FHIP2A: variants seen among roughly 807,000 people sequenced by gnomAD.
The protein encoded by FHIP2A is family with sequence similarity 160 member B1.
FHIP2A carries 46 observed loss-of-function variants against 93.5 expected under a neutral mutation model. That is an observed-to-expected ratio of 0.49 (90% CI 0.39 to 0.63). FHIP2A has a LOEUF of 0.63. Among genes scored for constraint, FHIP2A ranks in the 20% least tolerant of loss-of-function variants. The pLI is 0.00. For missense variants in FHIP2A, 769 were observed against 909.7 expected (o/e 0.85, Z 1.99); for synonymous variants, 332 against 326.5 (o/e 1.02, Z -0.18).
At chr10:114,825,538 CCTT>C (rs368764144) in intron 1 of FHIP2A, among the ~76,000 whole-genome samples, 8 of 152,184 alleles carry the variant, frequency 5.3e-5, no homozygotes, top group Non-Finnish European at 8.8e-5. Context: ...TAAGTTCACA[CCTT>C]CTTGATTAAA....
At chr10:114,876,079 A>C (rs2083887764) in intron 16 of FHIP2A, among the ~76,000 whole-genome samples, 1 of 152,182 alleles carries the variant, frequency 6.6e-6, no homozygotes, top group Admixed American at 6.5e-5. Context: ...GAGGAAGCAG[A>C]AGAGACCCGG....
rs1376457806 is a variant in FHIP2A at position 114,864,303 on chromosome 10, G to A, written c.*2763G>A. 17 of 985,058 alleles carry A rather than the reference G, an allele frequency of 1.7e-5. No individual in the cohort carries two copies. The highest frequency in any genetic ancestry group is 2.0e-5 in the Non-Finnish European group (17 of 829,322). 61.0% of individuals were successfully genotyped at this position (985,058 alleles called of 1,614,324 possible). On this transcript the variant is annotated 3_prime_UTR_variant, in exon 17 of 17. Coordinates refer to ENST00000369248, the MANE Select transcript of FHIP2A (RefSeq NM_020940.4). ...ATTATGAAGTCCATCAGTATTGACA[G>A]AAGACGTTACAGTGAAGTGCTAAAA...
At chr10:114,882,435 T>C (rs895152456) in intron 16 of FHIP2A, among the ~76,000 whole-genome samples, 1 of 152,134 alleles carries the variant, frequency 6.6e-6, no homozygotes, top group Admixed American at 6.5e-5. Flanking sequence ...AGAGAGGCAC[T>C]AGAGAAATCC....
At chr10:114,833,101 A>T in intron 2 of FHIP2A, 132 bp from the exon 3 acceptor site, 4 of 651,252 alleles carry the variant, frequency 6.1e-6, no homozygotes, top group Non-Finnish European at 1.0e-5. Context: ...TACTGTGTTT[A>T]TAAACCTCAC....
Position 114,862,052 on chromosome 10 carries a change from C to T in FHIP2A, c.*512C>T. ...ATGAGAAAAAAATACAATTCAGAAACCATTGAATGAATTAATTATAGGCGA... is the reference window on the plus strand; with the variant it reads ...ATGAGAAAAAAATACAATTCAGAAATCATTGAATGAATTAATTATAGGCGA... On this transcript the variant is annotated 3_prime_UTR_variant, in exon 17 of 17. Transcript: ENST00000369248. 1.0e-6 allele frequency: 1 copy of T among 965,526 alleles called. No individual in the cohort carries two copies. Among genetic ancestry groups the T allele is most frequent in the Non-Finnish European group, 1.2e-6 (1 of 811,730 alleles). The allele number at this position is 965,526 out of a possible 1,614,324, so 59.8% of individuals were successfully genotyped here.
intron 11 of FHIP2A, 116 bp downstream of exon 11, chr10:114,846,844 C>G: frequency 9.7e-7 from 1 of 1,034,240 alleles, no homozygotes. Context: ...TTTAAAAGTT[C>G]TTAAAAGTAA....
At chr10:114,841,498 G>T (rs2083668739) in intron 5 of FHIP2A, among the ~76,000 whole-genome samples, 1 of 151,912 alleles carries the variant, frequency 6.6e-6, no homozygotes, top group Admixed American at 6.6e-5. Flanking sequence ...TACCATGTTG[G>T]CCAGGCTGGT....
At chr10:114,826,354 T>C (rs1229872541) in intron 1 of FHIP2A, among the ~76,000 whole-genome samples, 1 of 152,232 alleles carries the variant, frequency 6.6e-6, no homozygotes, top group Admixed American at 6.5e-5. Flanking sequence ...TGTCCCTTCC[T>C]TCTACACTTG....
intron 1 of FHIP2A, among the ~76,000 whole-genome samples, chr10:114,822,846 A>G (rs2083544167): frequency 1.3e-5 from 2 of 152,022 alleles, no homozygotes; most frequent in South Asian, 4.2e-4. Context: ...CTTCCTGGAC[A>G]CTCTTCGTTT....
intron 1 of FHIP2A, among the ~76,000 whole-genome samples, chr10:114,827,284 C>T (rs1011779038): frequency 1.6e-4 from 24 of 152,168 alleles, no homozygotes; most frequent in Non-Finnish European, 3.1e-4. Context: ...CATAACTACT[C>T]ATTAAAAGGC....
chr10:114,825,432 T>C (rs1312758934), intron 1 of FHIP2A, among the ~76,000 whole-genome samples: 1 of 152,262 alleles, frequency 6.6e-6, no homozygotes, highest in African/African-American at 2.4e-5. Context: ...CCCTGGCAAC[T>C]ACTTATAACG....
At chr10:114,835,950 A>G (rs141655238) in intron 4 of FHIP2A, among the ~76,000 whole-genome samples, 174 bp from the exon 5 acceptor site, 1 of 152,266 alleles carries the variant, frequency 6.6e-6, no homozygotes, top group East Asian at 1.9e-4. Flanking sequence ...AAATTTTACC[A>G]CTAGTAAGTT....
downstream of FHIP2A, among the ~76,000 whole-genome samples, chr10:114,868,263 G>A (rs1186541299): frequency 6.6e-6 from 1 of 152,096 alleles, no homozygotes; most frequent in Non-Finnish European, 1.5e-5. Context: ...TGAGTGGCAG[G>A]CGACCACCTG....
intron 16 of FHIP2A, among the ~76,000 whole-genome samples, chr10:114,887,155 C>A (rs1424541100): frequency 6.6e-6 from 1 of 152,136 alleles, no homozygotes; most frequent in Non-Finnish European, 1.5e-5. Context: ...GTATATTCAC[C>A]AGGCTAAGCA....
Position 114,845,409 on chromosome 10 carries a change from A to G in FHIP2A, c.1056A>G (p.Pro352=), listed in dbSNP as rs756528155. ...ATAAAGAAGATGCTTCAGCATTTCCAGGAAAACGAGCCTTAATTTCATTTC... is the reference window on the plus strand; with the variant it reads ...ATAAAGAAGATGCTTCAGCATTTCCGGGAAAACGAGCCTTAATTTCATTTC... ...YSHKEDASAF[P]GKRALISFLS... The change falls in exon 8 of 17, where the codon CCA becomes CCG. Residue 352 remains proline (P), a synonymous_variant. Coordinates refer to ENST00000369248, the MANE Select transcript of FHIP2A (RefSeq NM_020940.4). 1.9e-6 allele frequency: 3 copies of G among 1,613,436 alleles called. No individual in the cohort carries two copies. Among genetic ancestry groups the G allele is most frequent in the East Asian group, 2.2e-5 (1 of 44,814 alleles).
At chr10:114,830,505 C>G (rs1429989873) in intron 1 of FHIP2A, among the ~76,000 whole-genome samples, 6 of 151,948 alleles carry the variant, frequency 3.9e-5, no homozygotes, top group Non-Finnish European at 5.9e-5. Context: ...CTCCTGACCT[C>G]AAGTGATTCA....
chr10:114,866,640 C>CA (rs920468469), downstream of FHIP2A, among the ~76,000 whole-genome samples: 15 of 151,928 alleles, frequency 9.9e-5, no homozygotes, highest in Non-Finnish European at 1.8e-4. Context: ...GCTAGGAACA[C>CA]AAAAAAATGA....
rs2083706547 is a variant in FHIP2A, at chr10:114,847,169, C to G, written c.1648C>G (p.Pro550Ala). The G allele has an allele frequency of 1.2e-6, 2 of 1,613,518 alleles. No individual in the cohort carries two copies. Among genetic ancestry groups the G allele is most frequent in the African/African-American group, 1.3e-5 (1 of 75,024 alleles). Residue 550 changes from proline (P) to alanine (A), a missense_variant, in exon 12 of 17, where the codon CCT (proline) becomes GCT (alanine). Coordinates refer to ENST00000369248, the MANE Select transcript of FHIP2A (RefSeq NM_020940.4). ...LPNQEWLSSS[P>A]PATPDHPKND... Reference sequence around the variant, plus strand: ...AAACCAAGAGTGGCTTAGTTCTTCACCTCCTGCTACTCCAGACCACCCCAA... The same window carrying G: ...AAACCAAGAGTGGCTTAGTTCTTCAGCTCCTGCTACTCCAGACCACCCCAA...
intron 16 of FHIP2A, among the ~76,000 whole-genome samples, chr10:114,887,311 C>T (rs1285281092): frequency 6.6e-6 from 1 of 152,228 alleles, no homozygotes; most frequent in Non-Finnish European, 1.5e-5. Context: ...CAATACCAAT[C>T]ATTACAACAC....
Sources: allele counts gnomAD v4.1 joint callset (sites outside exome capture counted in the v4.1 genomes callset), GRCh38; gene constraint gnomAD v4.1.1; transcripts MANE v1.5; gene names NCBI Gene and HGNC (gene_info 2026-07-23, HGNC 2026-07-21).